TGFBR2: variants seen among roughly 807,000 people sequenced by gnomAD.
TGFBR2 encodes TGF-beta receptor type-2.
In TGFBR2, 18 loss-of-function variants were observed where a neutral mutation model predicts 49.0. The ratio of observed to expected loss-of-function variants is 0.37; its 90% CI spans 0.25 to 0.54. The LOEUF is 0.54. Ranked by LOEUF, TGFBR2 falls within the 20% of genes least tolerant of loss-of-function variation. The probability of loss-of-function intolerance (pLI) is 0.85; values close to 1 mark genes in which losing one functional copy is unlikely to be tolerated. For synonymous variants in TGFBR2, 282 were observed against 275.9 expected (o/e 1.02, Z -0.22); for missense variants, 525 against 722.6 (o/e 0.73, Z 3.13).
At chr3:30,630,465 G>A (rs1269104755) in intron 1 of TGFBR2, among the ~76,000 whole-genome samples, 1 of 152,244 alleles carries the variant, frequency 6.6e-6, no homozygotes, top group Non-Finnish European at 1.5e-5. Flanking sequence ...GAAGGAGCCA[G>A]CTGTGTTCCA....
In TGFBR2 at chr3:30,691,851, A is replaced by G. The variant is rs1699715626; in HGVS notation, c.*252A>G. 2 of 498,550 alleles carry G rather than the reference A, an allele frequency of 4.0e-6. No individual in the cohort carries two copies. Among genetic ancestry groups the G allele is most frequent in the South Asian group, 4.4e-5 (2 of 45,398 alleles). The allele number at this position is 498,550 out of a possible 1,614,324, so 30.9% of individuals were successfully genotyped here. A position where few individuals can be genotyped will look rare whatever the true frequency, so the allele number is the denominator to read the frequency against. ...TCAGGAAATGAGATTGATTTTTACA[A>G]TAGCCAATAACATTTGCACTTTATT... On this transcript the variant is annotated 3_prime_UTR_variant, in exon 7 of 7. Transcript: ENST00000295754.
chr3:30,665,036 G>A (rs140910486), intron 3 of TGFBR2, among the ~76,000 whole-genome samples: 99 of 152,256 alleles, frequency 6.5e-4, no homozygotes, highest in Non-Finnish European at 1.1e-3. Flanking sequence ...ACAGTTTTTC[G>A]CACACCTTGG....
chr3:30,654,181 G>C (rs1486002160), intron 3 of TGFBR2, among the ~76,000 whole-genome samples: 2 of 152,122 alleles, frequency 1.3e-5, no homozygotes, highest in African/African-American at 2.4e-5. Context: ...ACAAAATGGT[G>C]CAGAGATTTA....
intron 1 of TGFBR2, among the ~76,000 whole-genome samples, chr3:30,620,842 G>T (rs1456679684): frequency 1.3e-5 from 2 of 152,138 alleles, no homozygotes; most frequent in Non-Finnish European, 2.9e-5. Context: ...AGTGCCTGAA[G>T]ATACTCTTCT....
At chr3:30,644,463 A>G (rs1698694060) in intron 1 of TGFBR2, among the ~76,000 whole-genome samples, 2 of 152,162 alleles carry the variant, frequency 1.3e-5, no homozygotes, top group African/African-American at 4.8e-5. Flanking sequence ...TTATTGAATG[A>G]TAAGATTTTT....
intron 1 of TGFBR2, among the ~76,000 whole-genome samples, chr3:30,620,234 G>A (rs984527369): frequency 6.6e-6 from 1 of 152,106 alleles, no homozygotes; most frequent in Admixed American, 6.6e-5. Context: ...AAAACTCTTT[G>A]AGGGAGAAAC....
At chr3:30,657,129 T>C (rs1163835244) in intron 3 of TGFBR2, among the ~76,000 whole-genome samples, 1 of 152,220 alleles carries the variant, frequency 6.6e-6, no homozygotes, top group African/African-American at 2.4e-5. Flanking sequence ...TTTTTGTCCG[T>C]AGGAGAATCA....
rs115716488 is a variant in TGFBR2 at position 30,627,759 on chromosome 3, C to T, written c.95-16988C>T. On this transcript the variant is annotated intron_variant, in intron 1 of 6. Coordinates refer to ENST00000295754, the MANE Select transcript of TGFBR2 (RefSeq NM_003242.6). ...CTTAGATGATACATGTGGCTTGAAA[C>T]GTAGCAGGTGCAAATAAGGAACTGA... 7.1e-3 allele frequency among the ~76,000 whole-genome samples: 1,086 copies of T among 151,914 alleles called. 9 individuals carry two copies. Among genetic ancestry groups the T allele is most frequent in the Non-Finnish European group, 0.01 (692 of 67,916 alleles).
intron 1 of TGFBR2, among the ~76,000 whole-genome samples, chr3:30,612,949 C>A (rs1002421021): frequency 6.6e-6 from 1 of 152,156 alleles, no homozygotes; most frequent in Admixed American, 6.5e-5. Context: ...CAAGTAGCAA[C>A]TATCCTCTTG....
chr3:30,688,270 A>G, intron 5 of TGFBR2, 114 bp from the exon 6 acceptor site: 1 of 1,344,602 alleles, frequency 7.4e-7, no homozygotes, highest in Middle Eastern at 2.4e-4. Flanking sequence ...GTAATTACGT[A>G]TGTATTTGTT....
intron 1 of TGFBR2, among the ~76,000 whole-genome samples, chr3:30,613,704 C>T (rs186348737): frequency 1.4e-4 from 21 of 152,296 alleles, no homozygotes; most frequent in African/African-American, 4.8e-4. Context: ...TGTGGAAGGA[C>T]TATGAACATT....
At chr3:30,656,131 G>A (rs1170111035) in intron 3 of TGFBR2, among the ~76,000 whole-genome samples, 1 of 152,208 alleles carries the variant, frequency 6.6e-6, no homozygotes, top group Admixed American at 6.5e-5. Context: ...GGCCCATGAG[G>A]AATAAATTTG....
intron 1 of TGFBR2, among the ~76,000 whole-genome samples, chr3:30,628,241 G>A (rs901409890): frequency 2.6e-5 from 4 of 151,618 alleles, no homozygotes; most frequent in South Asian, 2.1e-4. Context: ...ATTATAAACC[G>A]TTACAAACTT....
rs1699715512 is a variant in TGFBR2 at position 30,691,838 on chromosome 3, A to T, written c.*239A>T. 1.1e-5 allele frequency: 6 copies of T among 526,594 alleles called. No homozygotes were observed. The South Asian group carries it at 1.3e-4, about 11-fold the overall frequency. The allele number at this position is 526,594 out of a possible 1,614,324, so 32.6% of individuals were successfully genotyped here. Reference sequence around the variant, plus strand: ...TGTTAGCACTTCCTCAGGAAATGAGATTGATTTTTACAATAGCCAATAACA... The same window carrying T: ...TGTTAGCACTTCCTCAGGAAATGAGTTTGATTTTTACAATAGCCAATAACA... On this transcript the variant is annotated 3_prime_UTR_variant, in exon 7 of 7. Transcript: ENST00000295754.
At chr3:30,617,924 C>G (rs1698159722) in intron 1 of TGFBR2, among the ~76,000 whole-genome samples, 1 of 152,192 alleles carries the variant, frequency 6.6e-6, no homozygotes, top group African/African-American at 2.4e-5. Context: ...AAAGCATGTT[C>G]CAAAGAGTAG....
At chr3:30,639,345 A>C (rs1698602537) in intron 1 of TGFBR2, among the ~76,000 whole-genome samples, 1 of 152,210 alleles carries the variant, frequency 6.6e-6, no homozygotes, top group South Asian at 2.1e-4. Context: ...ATTTGACTTT[A>C]AGTAAAAGAA....
intron 3 of TGFBR2, among the ~76,000 whole-genome samples, chr3:30,667,102 T>C (rs887605417): frequency 3.9e-5 from 6 of 152,228 alleles, no homozygotes; most frequent in African/African-American, 1.2e-4. Context: ...GTCTGATCTT[T>C]AGCTTCCCTA....
At position 30,606,995 on chromosome 3, in the gene TGFBR2, C is replaced by G. The variant is rs1489975604; in HGVS notation, c.94+18C>G. ...GAAGTCGGGTGAGTGGTCCCCAGCC[C>G]GGGCTCGGCGGGGCGCCGGGGGTCT... On this transcript the variant is annotated intron_variant, in intron 1 of 6. Transcript: ENST00000295754. The G allele has an allele frequency of 1.3e-6, 2 of 1,565,354 alleles. No homozygotes were observed. Among genetic ancestry groups the G allele is most frequent in the South Asian group, 1.2e-5 (1 of 85,884 alleles).
chr3:30,660,944 C>G (rs1048901646), intron 3 of TGFBR2, among the ~76,000 whole-genome samples: 5 of 152,116 alleles, frequency 3.3e-5, no homozygotes, highest in Admixed American at 3.3e-4. Flanking sequence ...ATTGCAGAAG[C>G]CTGTGGTTCA....
Sources: allele counts gnomAD v4.1 joint callset (sites outside exome capture counted in the v4.1 genomes callset), GRCh38; gene constraint gnomAD v4.1.1; transcripts MANE v1.5; gene names NCBI Gene and HGNC (gene_info 2026-07-23, HGNC 2026-07-21).